The following ADM2 variants were observed in gnomAD, a reference collection of about 807,000 sequenced individuals.
ADM2 encodes the protein protein ADM2.
ADM2 carries 5 observed loss-of-function variants against 7.1 expected under a neutral mutation model. The ratio of observed to expected loss-of-function variants is 0.71; its 90% confidence interval spans 0.37 to 1.49. ADM2 has a LOEUF of 1.49. Among genes scored for constraint, ADM2 ranks in the 40% most tolerant of loss-of-function variants. ADM2 has a pLI of 0.03. For synonymous variants in ADM2, 123 were observed against 92.8 expected, an observed-to-expected ratio of 1.33 and a Z score of -1.87; for missense variants, 236 against 211.2, an observed-to-expected ratio of 1.12 and a Z score of -0.73.
Position 50,481,688 on chromosome 22 carries a change from C to G in ADM2, c.-87C>G, listed in dbSNP as rs2068196681. ...CCCGCTGCCCGCTTCGCGCCCGAGG[C>G]CTGCGCCCCGACGGACGCCCGTGCC... On this transcript the variant is annotated 5_prime_UTR_variant, in exon 1 of 3. Coordinates refer to ENST00000395737, the MANE Select transcript of ADM2 (RefSeq NM_001253845.2). 2.7e-6 allele frequency: 1 copy of G among 370,916 alleles called. No individual in the cohort carries two copies. Among genetic ancestry groups the G allele is most frequent in the Non-Finnish European group, 4.7e-6 (1 of 214,202 alleles). The allele number at this position is 370,916 out of a possible 1,614,324, so 23.0% of individuals were successfully genotyped here.
Position 50,481,942 on chromosome 22 carries a change from G to C in ADM2, c.95G>C (p.Arg32Pro). ...SLSRSLGGDP[R>P]PVKPREPPAR... ...TCCCGCAGCCTGGGCGGGGACCCGCGACCCGTCAAACCCAGGTGAGTCCAG... is the reference window on the plus strand; with the variant it reads ...TCCCGCAGCCTGGGCGGGGACCCGCCACCCGTCAAACCCAGGTGAGTCCAG... Residue 32 changes from arginine (R) to proline (P), a missense_variant, in exon 2 of 3, where the codon CGA becomes CCA. By Grantham distance (103) the Arg-to-Pro change is moderately radical (BLOSUM62 -2). Coordinates refer to ENST00000395737, the MANE Select transcript of ADM2 (RefSeq NM_001253845.2). The C allele has an allele frequency of 6.5e-7, 1 of 1,535,788 alleles. No homozygotes were observed. Among genetic ancestry groups the C allele is most frequent in the Non-Finnish European group, 8.8e-7 (1 of 1,142,292 alleles).
In ADM2 at chr22:50,482,827, T is replaced by C; in HGVS notation, c.371T>C (p.Leu124Pro). 5 of 1,608,648 alleles carry C rather than the reference T, an allele frequency of 3.1e-6. No homozygotes were observed. The highest frequency in any genetic ancestry group is 1.7e-5 in the Admixed American group (1 of 59,910). ...TCQVQNLSHR[L>P]WQLMGPAGRQ... The stretch of plus-strand genomic sequence containing the variant: ...CAGGTGCAGAATCTCAGCCACCGCC[T>C]GTGGCAACTCATGGGACCGGCCGGC... Residue 124 changes from leucine to proline, a missense_variant, in exon 3 of 3, where the codon CTG becomes CCG. Transcript: ENST00000395737.
In ADM2 at chr22:50,483,031, C is replaced by G; in HGVS notation, c.*128C>G. ...GACAGCAGGTCCTGCAGCAACAATA[C>G]CTGCACGGCTTTGCACACGTAAACC... On this transcript the variant is annotated 3_prime_UTR_variant, in exon 3 of 3. Transcript: ENST00000395737. 1 of 1,439,704 alleles carries G rather than the reference C, an allele frequency of 6.9e-7. No homozygotes were observed. The highest frequency in any genetic ancestry group is 1.2e-5 in the South Asian group (1 of 81,460). The allele number at this position is 1,439,704 out of a possible 1,614,324, so 89.2% of individuals were successfully genotyped here. A position where few individuals can be genotyped will look rare whatever the true frequency, so the allele number is the denominator to read the frequency against.
In ADM2 at chr22:50,484,124, G is replaced by A. The variant is rs540854789; in HGVS notation, c.*1221G>A. The A allele has an allele frequency of 6.6e-6, 1 of 152,414 alleles. No individual in the cohort carries two copies. The highest frequency in any genetic ancestry group is 1.9e-4 in the East Asian group (1 of 5,190). The allele number at this position is 152,414 out of a possible 1,614,324, so 9.4% of individuals were successfully genotyped here. ...CTTGCCCCTCAGTTCCTACCTCCAA[G>A]GGGGAGGGTCCTGGAAGCGCCCACC... On this transcript the variant is annotated 3_prime_UTR_variant, in exon 3 of 3. Coordinates refer to ENST00000395737, the MANE Select transcript of ADM2 (RefSeq NM_001253845.2).
rs199634529 is a variant in ADM2 at position 50,482,876 on chromosome 22, C to A, written c.420C>A (p.Asp140Glu). Reference protein sequence around the residue: ...PAGRQDSAPVDPSSPHSYG With the variant: ...PAGRQDSAPVEPSSPHSYG ...GCCGGCAGGACTCAGCTCCTGTGGACCCCAGCAGCCCCCACAGCTATGGCT... is the reference window on the plus strand; with the variant it reads ...GCCGGCAGGACTCAGCTCCTGTGGAACCCAGCAGCCCCCACAGCTATGGCT... The change falls in exon 3 of 3, where the codon GAC (aspartate) becomes GAA (glutamate). Residue 140 changes from aspartate (D) to glutamate (E), a missense_variant. Coordinates refer to ENST00000395737, the MANE Select transcript of ADM2 (RefSeq NM_001253845.2). 1.4e-3 allele frequency: 2,265 copies of A among 1,602,036 alleles called. 9 individuals carry two copies. The highest frequency in any genetic ancestry group is 2.8e-3 in the Middle Eastern group (17 of 6,046).
rs548585514 is a variant in ADM2 at position 50,483,321 on chromosome 22, G to T, written c.*418G>T. 1.1e-5 allele frequency: 5 copies of T among 460,430 alleles called. No homozygotes were observed. Among genetic ancestry groups the T allele is most frequent in the Non-Finnish European group, 2.2e-5 (5 of 228,912 alleles). 28.5% of individuals were successfully genotyped at this position (460,430 alleles called of 1,614,324 possible). On this transcript the variant is annotated 3_prime_UTR_variant, in exon 3 of 3. Transcript: ENST00000395737. ...CAGTCAGACTGAAGCCCGGCCTTGTGCCTGGGCTGTTCCTGCTCTCATGCA... is the reference window on the plus strand; with the variant it reads ...CAGTCAGACTGAAGCCCGGCCTTGTTCCTGGGCTGTTCCTGCTCTCATGCA...
rs905486196 is a variant in ADM2, at chr22:50,485,221, C to T, written c.*2318C>T. 1 of 152,012 alleles carries T rather than the reference C, an allele frequency of 6.6e-6. No homozygotes were observed. The allele number at this position is 152,012 out of a possible 1,614,324, so 9.4% of individuals were successfully genotyped here. A position where few individuals can be genotyped will look rare whatever the true frequency, so the allele number is the denominator to read the frequency against. ...AATTAGCTGGGCGTGGTGGCACATG[C>T]CAGTAATTCCATCTACTCGGGAGGC... is the stretch of plus-strand genomic sequence containing the variant. On this transcript the variant is annotated 3_prime_UTR_variant, in exon 3 of 3. Coordinates refer to ENST00000395737, the MANE Select transcript of ADM2 (RefSeq NM_001253845.2).
At chr22:50,482,360 A>C (rs1028381129) in intron 2 of ADM2, among the ~76,000 whole-genome samples, 4 of 152,138 alleles carry the variant, frequency 2.6e-5, no homozygotes, top group African/African-American at 9.6e-5. Context: ...GGTTCCCGGG[A>C]CACGTGACCC....
rs2068268636 is a variant in ADM2 at position 50,486,395 on chromosome 22, C to T, written c.*3492C>T. 2 of 161,504 alleles carry T rather than the reference C, an allele frequency of 1.2e-5. No individual in the cohort carries two copies. The highest frequency in any genetic ancestry group is 4.8e-5 in the African/African-American group (2 of 41,618). 10.0% of individuals were successfully genotyped at this position (161,504 alleles called of 1,614,324 possible). A position where few individuals can be genotyped will look rare whatever the true frequency, so the allele number is the denominator to read the frequency against. On this transcript the variant is annotated 3_prime_UTR_variant, in exon 3 of 3. Transcript: ENST00000395737. ...TGGTTGTTGAACTCGGAGGTGAGCT[C>T]CTCTCACCACTCTCTTGAATAAAGC...
rs1409533066 is a variant in ADM2, at chr22:50,483,957, G to C, written c.*1054G>C. The stretch of plus-strand genomic sequence containing the variant: ...CAGCAGAACACGGGGTTCAGAAAGG[G>C]CTCCTTCTGCTATTTAGCGAACACT... On this transcript the variant is annotated 3_prime_UTR_variant, in exon 3 of 3. Coordinates refer to ENST00000395737, the MANE Select transcript of ADM2 (RefSeq NM_001253845.2). The C allele has an allele frequency of 6.6e-6, 1 of 152,566 alleles. No homozygotes were observed. The highest frequency in any genetic ancestry group is 1.5e-5 in the Non-Finnish European group (1 of 68,354). 9.5% of individuals were successfully genotyped at this position (152,566 alleles called of 1,614,324 possible). A position where few individuals can be genotyped will look rare whatever the true frequency, so the allele number is the denominator to read the frequency against.
Position 50,482,866 on chromosome 22 carries a change from C to T in ADM2, c.410C>T (p.Ala137Val). The T allele has an allele frequency of 1.2e-6, 2 of 1,605,012 alleles. No individual in the cohort carries two copies. Among genetic ancestry groups the T allele is most frequent in the Non-Finnish European group, 1.7e-6 (2 of 1,178,904 alleles). Residue 137 changes from alanine (A) to valine (V), a missense_variant, in exon 3 of 3, where the codon GCT (alanine) becomes GTT (valine). Coordinates refer to ENST00000395737, the MANE Select transcript of ADM2 (RefSeq NM_001253845.2). ...GGACCGGCCGGCCGGCAGGACTCAG[C>T]TCCTGTGGACCCCAGCAGCCCCCAC... The part of the protein sequence containing the change: ...LMGPAGRQDS[A>V]PVDPSSPHSY...
Position 50,483,007 on chromosome 22 carries a change from A to G in ADM2, c.*104A>G, listed in dbSNP as rs2068217680. ...GAAGCCCAGTCCCTCGGAGCTGCAG[A>G]CAGCAGGTCCTGCAGCAACAATACC... On this transcript the variant is annotated 3_prime_UTR_variant, in exon 3 of 3. Coordinates refer to ENST00000395737, the MANE Select transcript of ADM2 (RefSeq NM_001253845.2). 2 of 1,509,660 alleles carry G rather than the reference A, an allele frequency of 1.3e-6. No individual in the cohort carries two copies. Among genetic ancestry groups the G allele is most frequent in the Admixed American group, 2.0e-5 (1 of 50,956 alleles). The allele number at this position is 1,509,660 out of a possible 1,614,324, so 93.5% of individuals were successfully genotyped here.
At position 50,481,757 on chromosome 22, in the gene ADM2, C is replaced by A. The variant is rs1569515878; in HGVS notation, c.-18C>A. ...CCCGGCGCCCCGACCGCGGAGGACTCCCCGAGGTGCCGGCGGAGGGGGTGG... is the reference window on the plus strand; with the variant it reads ...CCCGGCGCCCCGACCGCGGAGGACTACCCGAGGTGCCGGCGGAGGGGGTGG... On this transcript the variant is annotated 5_prime_UTR_variant, in exon 1 of 3. Coordinates refer to ENST00000395737, the MANE Select transcript of ADM2 (RefSeq NM_001253845.2). 2.3e-6 allele frequency: 2 copies of A among 879,302 alleles called. No homozygotes were observed. The highest frequency in any genetic ancestry group is 2.1e-5 in the South Asian group (1 of 48,442). 54.5% of individuals were successfully genotyped at this position (879,302 alleles called of 1,614,324 possible).
chr22:50,482,684 T>C lies in ADM2; in HGVS notation c.228T>C (p.Pro76=). 1 of 1,599,440 alleles carries C rather than the reference T, an allele frequency of 6.3e-7. No homozygotes were observed. The highest frequency in any genetic ancestry group is 1.1e-5 in the South Asian group (1 of 89,924). Residue 76 remains proline (P), a synonymous_variant, in exon 3 of 3, where the codon CCT becomes CCC. Transcript: ENST00000395737. The part of the protein sequence containing the change: ...LQAQRGAGLA[P]VMGQPLRDGG... ...CACAGAGGGGTGCCGGCCTGGCCCC[T>C]GTTATGGGTCAGCCTCTCCGGGATG...
At position 50,483,457 on chromosome 22, in the gene ADM2, G is replaced by A; in HGVS notation, c.*554G>A. On this transcript the variant is annotated 3_prime_UTR_variant, in exon 3 of 3. Coordinates refer to ENST00000395737, the MANE Select transcript of ADM2 (RefSeq NM_001253845.2). ...GGTGGCCCTCCAGAGGTCATGAAGGGACCTCTGTGGCTCCAGCTGCCAACC... is the reference window on the plus strand; with the variant it reads ...GGTGGCCCTCCAGAGGTCATGAAGGAACCTCTGTGGCTCCAGCTGCCAACC... The A allele has an allele frequency of 2.8e-6, 1 of 354,546 alleles. No individual in the cohort carries two copies. The highest frequency in any genetic ancestry group is 5.7e-6 in the Non-Finnish European group (1 of 176,944). The allele number at this position is 354,546 out of a possible 1,614,324, so 22.0% of individuals were successfully genotyped here. A position where few individuals can be genotyped will look rare whatever the true frequency, so the allele number is the denominator to read the frequency against.
chr22:50,481,916 G>T lies in ADM2; in HGVS notation c.69G>T (p.Leu23=), dbSNP rs376429153. 1 of 1,536,340 alleles carries T rather than the reference G, an allele frequency of 6.5e-7. No individual in the cohort carries two copies. Among genetic ancestry groups the T allele is most frequent in the Middle Eastern group, 1.7e-4 (1 of 5,932 alleles). The change falls in exon 2 of 3, where the codon CTG becomes CTT. Residue 23 remains leucine, a synonymous_variant. Transcript: ENST00000395737. ...SLLCLQLPGS[L]SRSLGGDPRP... Reference sequence around the variant, plus strand: ...TCTGCCTGCAGCTCCCTGGCTCGCTGTCCCGCAGCCTGGGCGGGGACCCGC... The same window carrying T: ...TCTGCCTGCAGCTCCCTGGCTCGCTTTCCCGCAGCCTGGGCGGGGACCCGC...
Position 50,482,955 on chromosome 22 carries a change from G to T in ADM2, c.*52G>T. On this transcript the variant is annotated 3_prime_UTR_variant, in exon 3 of 3. Coordinates refer to ENST00000395737, the MANE Select transcript of ADM2 (RefSeq NM_001253845.2). The stretch of plus-strand genomic sequence containing the variant: ...ATCCCAGCCAGGGTGCTGTGCCCCC[G>T]TCCAGAGCTGCAGCTGAGCCCCATC... 6.5e-7 allele frequency: 1 copy of T among 1,541,034 alleles called. No individual in the cohort carries two copies. The highest frequency in any genetic ancestry group is 8.7e-7 in the Non-Finnish European group (1 of 1,148,756).
In ADM2 at chr22:50,481,965, C is replaced by G. The variant is rs1321377321; in HGVS notation, c.110+8C>G. The G allele has an allele frequency of 6.5e-7, 1 of 1,533,834 alleles. No homozygotes were observed. Among genetic ancestry groups the G allele is most frequent in the East Asian group, 2.6e-5 (1 of 38,452 alleles). On this transcript the variant is annotated splice_region_variant and intron_variant, in intron 2 of 2. Coordinates refer to ENST00000395737, the MANE Select transcript of ADM2 (RefSeq NM_001253845.2). ...GCGACCCGTCAAACCCAGGTGAGTC[C>G]AGGTCTTGGGCCAGCCAACCCCTCT...
In ADM2 at chr22:50,482,726, GGGCCCCCGAAGACACTC is replaced by G; in HGVS notation, c.273_289del (p.Arg93ProfsTer78). 7.8e-7 allele frequency: 1 copy of G among 1,280,458 alleles called. No individual in the cohort carries two copies. Among genetic ancestry groups the G allele is most frequent in the Non-Finnish European group, 1.1e-6 (1 of 943,824 alleles). 79.3% of individuals were successfully genotyped at this position (1,280,458 alleles called of 1,614,324 possible). On this transcript the variant is annotated frameshift_variant, in exon 3 of 3. Coordinates refer to ENST00000395737, the MANE Select transcript of ADM2 (RefSeq NM_001253845.2). LOFTEE classifies it high-confidence loss of function. ...TCCGGGATGGTGGCCGCCAACACTC[GGGCCCCCGAAGACACTC>G]GGGCCCCCGCAGGACCCAAGCCCAG...
Sources: gnomAD v4.1 joint callset for allele counts (sites outside exome capture counted in the v4.1 genomes callset) on GRCh38, gnomAD v4.1.1 for gene constraint, MANE v1.5 for transcripts, NCBI Gene and HGNC (gene_info 2026-07-23, HGNC 2026-07-21) for gene names.